NBAS: variants seen among roughly 807,000 people sequenced by gnomAD.
NBAS encodes the protein NBAS subunit of NRZ tethering complex.
In NBAS, 219 loss-of-function variants were observed where a neutral mutation model predicts 302.5. That is an observed-to-expected ratio of 0.72 (90% CI 0.65 to 0.81). NBAS has a LOEUF of 0.81. NBAS is among the 30% of genes least tolerant of loss of function. The pLI is 0.00. For missense variants in NBAS, 2,932 were observed against 2,841.6 expected (o/e 1.03, Z -0.72); for synonymous variants, 1,118 against 1,021.6 (o/e 1.09, Z -1.80).
chr2:15,372,251 G>A (rs1291915958), intron 31 of NBAS, among the ~76,000 whole-genome samples: 1 of 152,090 alleles, frequency 6.6e-6, no homozygotes, highest in African/African-American at 2.4e-5. Context: ...AAAATAAAGA[G>A]AAAAGCATAT....
chr2:15,077,819 G>A, the NBAS span, among the ~76,000 whole-genome samples: 1 of 151,864 alleles, frequency 6.6e-6, no homozygotes, highest in Non-Finnish European at 1.5e-5. Context: ...GAGTAGCTGG[G>A]GTTATAGGCA....
the NBAS span, among the ~76,000 whole-genome samples, chr2:15,008,198 T>C: frequency 2.0e-5 from 3 of 152,218 alleles, no homozygotes; most frequent in African/African-American, 7.2e-5. Context: ...CAAACAACTG[T>C]TGCCACTGAA....
At chr2:15,138,294 G>A in the NBAS span, among the ~76,000 whole-genome samples, 2 of 152,190 alleles carry the variant, frequency 1.3e-5, no homozygotes, top group Non-Finnish European at 2.9e-5. Flanking sequence ...AGTGAGGCTG[G>A]AGCAGGGAGC....
At chr2:14,932,661 T>C in the NBAS span, among the ~76,000 whole-genome samples, 1 of 152,230 alleles carries the variant, frequency 6.6e-6, no homozygotes, top group African/African-American at 2.4e-5. Context: ...TACTCTTTCC[T>C]GAATGGAACC....
the NBAS span, among the ~76,000 whole-genome samples, chr2:15,158,796 T>C: frequency 1.3e-5 from 2 of 152,126 alleles, no homozygotes; most frequent in African/African-American, 4.8e-5. Context: ...GAGAATGCCC[T>C]TCTGGAGGGG....
intron 11 of NBAS, among the ~76,000 whole-genome samples, chr2:15,501,332 T>A (rs1661539252): frequency 6.6e-6 from 1 of 152,096 alleles, no homozygotes; most frequent in Non-Finnish European, 1.5e-5. Flanking sequence ...AGTTATTTTT[T>A]AAAGCCACGT....
chr2:15,459,172 C>T (rs907373270), intron 21 of NBAS, among the ~76,000 whole-genome samples: 1 of 152,152 alleles, frequency 6.6e-6, no homozygotes, highest in African/African-American at 2.4e-5. Flanking sequence ...AAAACACTGA[C>T]AATAAATGCA....
the NBAS span, among the ~76,000 whole-genome samples, chr2:14,931,170 A>G: frequency 6.6e-6 from 1 of 152,266 alleles, no homozygotes. Context: ...AACAAGGGAC[A>G]GAAGTGAGGC....
chr2:15,382,559 GAAC>G (rs1210999480), intron 29 of NBAS, among the ~76,000 whole-genome samples: 1 of 152,156 alleles, frequency 6.6e-6, no homozygotes, highest in Non-Finnish European at 1.5e-5. Context: ...CAGGCCAAGG[GAAC>G]AACGTGTGCA....
chr2:14,883,802 T>G, the NBAS span, among the ~76,000 whole-genome samples: 1 of 151,756 alleles, frequency 6.6e-6, no homozygotes, highest in Non-Finnish European at 1.5e-5. Context: ...AAACCCCATC[T>G]CTACAAAAAA....
At chr2:14,940,677 A>G in the NBAS span, among the ~76,000 whole-genome samples, 2 of 152,124 alleles carry the variant, frequency 1.3e-5, no homozygotes, top group Non-Finnish European at 1.5e-5. Flanking sequence ...AATGCCTCCC[A>G]CTACCTCCCA....
At chr2:15,045,775 G>A in the NBAS span, among the ~76,000 whole-genome samples, 125,153 of 152,198 alleles carry the variant, frequency 0.82, 51,800 homozygotes, top group East Asian at 0.99. Context: ...CAAATTTTTT[G>A]AGGAACCTCC....
the NBAS span, among the ~76,000 whole-genome samples, chr2:14,788,870 C>G: frequency 6.6e-6 from 1 of 152,222 alleles, no homozygotes; most frequent in Non-Finnish European, 1.5e-5. Context: ...AGCTGTCAGA[C>G]ATGGACATTT....
chr2:15,264,058 G>A (rs767644585), intron 44 of NBAS, among the ~76,000 whole-genome samples: 1 of 152,174 alleles, frequency 6.6e-6, no homozygotes, highest in Non-Finnish European at 1.5e-5. Flanking sequence ...AATGAGAGGA[G>A]GGAGCTTATA....
intron 24 of NBAS, among the ~76,000 whole-genome samples, chr2:15,416,497 C>CA (rs1676940039): frequency 6.6e-6 from 1 of 152,060 alleles, no homozygotes; most frequent in African/African-American, 2.4e-5. Context: ...AAAGTAAAGA[C>CA]AGAGGGAGAG....
At chr2:14,996,496 C>A in the NBAS span, among the ~76,000 whole-genome samples, 9 of 152,276 alleles carry the variant, frequency 5.9e-5, no homozygotes, top group African/African-American at 2.2e-4. Context: ...CATTCCAAAT[C>A]ACGGGACATC....
the NBAS span, among the ~76,000 whole-genome samples, chr2:14,849,305 C>A: frequency 1.3e-5 from 2 of 151,930 alleles, no homozygotes; most frequent in Non-Finnish European, 2.9e-5. Flanking sequence ...GGAGCCAATG[C>A]GATCAACTGG....
At chr2:15,115,525 T>G in the NBAS span, among the ~76,000 whole-genome samples, 6 of 152,288 alleles carry the variant, frequency 3.9e-5, no homozygotes, top group South Asian at 1.2e-3. Flanking sequence ...TTTTAGAGAC[T>G]GAGTCTCACT....
intron 3 of NBAS, among the ~76,000 whole-genome samples, chr2:15,555,840 T>A (rs2148715969): frequency 6.6e-6 from 1 of 152,172 alleles, no homozygotes; most frequent in Non-Finnish European, 1.5e-5. Flanking sequence ...GTCTTCCTTC[T>A]CAATAAATAA....
Sources: gnomAD v4.1 joint callset for allele counts (sites outside exome capture counted in the v4.1 genomes callset) on GRCh38, gnomAD v4.1.1 for gene constraint, MANE v1.5 for transcripts, NCBI Gene and HGNC (gene_info 2026-07-23, HGNC 2026-07-21) for gene names.